The following ZNF37A variants were observed in gnomAD, a reference collection of about 807,000 sequenced individuals.
ZNF37A encodes zinc finger protein 37a (KOX 21).
In ZNF37A, 10 loss-of-function variants were observed where a neutral mutation model predicts 12.3. That is an observed-to-expected ratio of 0.82 (90% confidence interval 0.50 to 1.38). The LOEUF (loss-of-function observed/expected upper bound fraction) is 1.38, where lower values mean the gene tolerates loss of function less well. ZNF37A is among the 40% of genes most tolerant of loss of function. ZNF37A has a pLI of 0.00. For synonymous variants in ZNF37A, 207 were observed against 223.0 expected (o/e 0.93, Z 0.64); for missense variants, 580 against 651.2 (o/e 0.89, Z 1.19).
chr10:38,131,742 G>A (rs2070030494), intron 7 of ZNF37A, among the ~76,000 whole-genome samples: 1 of 152,144 alleles, frequency 6.6e-6, no homozygotes, highest in Non-Finnish European at 1.5e-5. Context: ...CATCTTCACA[G>A]TGTTAAGTCT....
rs199538008 is a variant in ZNF37A, at chr10:38,112,812, TC to T, written c.16-1942del. 1.9e-3 allele frequency among the ~76,000 whole-genome samples: 278 copies of T among 148,322 alleles called. 22 individuals are homozygous for T. Among genetic ancestry groups the T allele is most frequent in the African/African-American group, 6.9e-3 (266 of 38,304 alleles). ...TTTCTTTTCTTGTCTTGTCTTGTCT[TC>T]TTTTCTTTTCTTTCACAGAGTTTCA... On this transcript the variant is annotated intron_variant, in intron 5 of 7. Coordinates refer to ENST00000685332, the MANE Select transcript of ZNF37A (RefSeq NM_001324250.3).
intron 5 of ZNF37A, among the ~76,000 whole-genome samples, chr10:38,098,921 G>A (rs1348308111): frequency 6.6e-6 from 1 of 151,916 alleles, no homozygotes; most frequent in East Asian, 1.9e-4. Context: ...CTTGTATCCT[G>A]TAATTTTGCT....
chr10:38,109,766 C>T (rs1294080494), intron 5 of ZNF37A, among the ~76,000 whole-genome samples: 3 of 152,074 alleles, frequency 2.0e-5, no homozygotes, highest in Admixed American at 6.5e-5. Context: ...AATAAAATAC[C>T]TAGGAATACA....
intron 5 of ZNF37A, among the ~76,000 whole-genome samples, chr10:38,113,652 C>A (rs1307081585): frequency 6.6e-6 from 1 of 152,196 alleles, no homozygotes; most frequent in Non-Finnish European, 1.5e-5. Context: ...GTAGCCCTTC[C>A]TCTCTTCCTT....
chr10:38,098,346 C>G (rs1455386508), intron 5 of ZNF37A, among the ~76,000 whole-genome samples: 1 of 152,164 alleles, frequency 6.6e-6, no homozygotes, highest in East Asian at 1.9e-4. Context: ...AGTGAAATTG[C>G]TGGGTCATAT....
intron 7 of ZNF37A, chr10:38,140,570 T>C (rs190831135): frequency 6.6e-6 from 1 of 152,266 alleles, no homozygotes; most frequent in African/African-American, 2.4e-5. Flanking sequence ...GAGATGGTAG[T>C]TAGGCAGATA....
At chr10:38,112,541 C>A (rs1448975944) in intron 5 of ZNF37A, among the ~76,000 whole-genome samples, 5 of 151,238 alleles carry the variant, frequency 3.3e-5, no homozygotes, top group African/African-American at 1.2e-4. Context: ...GCCCTCATTT[C>A]CCTCCAAAAA....
chr10:38,128,861 C>G (rs546621206), downstream of ZNF37A, among the ~76,000 whole-genome samples: 2 of 152,302 alleles, frequency 1.3e-5, no homozygotes, highest in African/African-American at 4.8e-5. Context: ...TCAAGCGATT[C>G]TCCTGCCTCA....
chr10:38,117,962 T>C lies in ZNF37A; in HGVS notation c.811T>C (p.Tyr271His), dbSNP rs1334055786. ...GAGAACACATACAGGAGAAAAACCT[T>C]ATGAATGTCATGAATGTGGAAAAAC... The part of the protein sequence containing the change: ...QQRTHTGEKP[Y>H]ECHECGKTFT... The change falls in exon 8 of 8, where the codon TAT becomes CAT. Residue 271 changes from tyrosine (Y) to histidine (H), a missense_variant. Physicochemically the swap from Tyr to His is moderately conservative, Grantham distance 83. Transcript: ENST00000685332. The C allele has an allele frequency of 6.2e-7, 1 of 1,613,844 alleles. No individual in the cohort carries two copies.
At chr10:38,142,266 A>G (rs2070193831) in intron 7 of ZNF37A, 1 of 152,206 alleles carries the variant, frequency 6.6e-6, no homozygotes, top group Non-Finnish European at 1.5e-5. Flanking sequence ...TAGACAGCAT[A>G]TAAGGGAACT....
intron 7 of ZNF37A, among the ~76,000 whole-genome samples, chr10:38,133,738 A>C (rs2070066562): frequency 6.6e-6 from 1 of 152,036 alleles, no homozygotes; most frequent in Non-Finnish European, 1.5e-5. Context: ...GGTTGGTTCC[A>C]AGTCTTTGCT....
chr10:38,136,331 G>A (rs976960877), intron 7 of ZNF37A, among the ~76,000 whole-genome samples: 14 of 152,096 alleles, frequency 9.2e-5, no homozygotes, highest in Admixed American at 2.6e-4. Flanking sequence ...TTTTTAGTAG[G>A]AACAGGGTTT....
chr10:38,140,569 G>C (rs1235136665), intron 7 of ZNF37A: 1 of 152,198 alleles, frequency 6.6e-6, no homozygotes. Flanking sequence ...AGAGATGGTA[G>C]TTAGGCAGAT....
intron 7 of ZNF37A, chr10:38,141,050 T>C (rs1399390495): frequency 6.6e-6 from 1 of 152,182 alleles, no homozygotes; most frequent in Non-Finnish European, 1.5e-5. Flanking sequence ...CAAGATCCAA[T>C]GAGGGACCCA....
intron 5 of ZNF37A, among the ~76,000 whole-genome samples, chr10:38,109,340 AAAT>A (rs1208148578): frequency 6.6e-6 from 1 of 152,136 alleles, no homozygotes; most frequent in Non-Finnish European, 1.5e-5. Context: ...ACATATCTCA[AAAT>A]AATAATAAGA....
In ZNF37A at chr10:38,119,022, G is replaced by C; in HGVS notation, c.*185G>C. The C allele has an allele frequency of 7.8e-7, 1 of 1,281,118 alleles. No individual in the cohort carries two copies. Among genetic ancestry groups the C allele is most frequent in the African/African-American group, 1.5e-5 (1 of 65,280 alleles). The allele number at this position is 1,281,118 out of a possible 1,614,324, so 79.4% of individuals were successfully genotyped here. A position where few individuals can be genotyped will look rare whatever the true frequency, so the allele number is the denominator to read the frequency against. On this transcript the variant is annotated 3_prime_UTR_variant, in exon 8 of 8. Transcript: ENST00000685332. ...TTCTGGAATTTGGACCATACACTAT[G>C]TTACAAAACTAAAAGTGGAAAAAAC...
chr10:38,140,022 A>G (rs967375518), intron 7 of ZNF37A: 15 of 152,172 alleles, frequency 9.9e-5, no homozygotes, highest in African/African-American at 3.1e-4. Context: ...TTCACCTGCA[A>G]ATGTTAGCTA....
At chr10:38,095,345 G>A (rs1294410035) in intron 2 of ZNF37A, 121 bp downstream of exon 2, 2 of 152,466 alleles carry the variant, frequency 1.3e-5, no homozygotes, top group South Asian at 2.1e-4. Context: ...GGCTCGATTT[G>A]TGTCCTTTCC....
intron 5 of ZNF37A, among the ~76,000 whole-genome samples, chr10:38,100,644 T>C (rs549924163): frequency 8.5e-5 from 13 of 152,342 alleles, no homozygotes; most frequent in African/African-American, 3.1e-4. Flanking sequence ...TGTTATCCTG[T>C]TCTTTTTTCA....
Sources: gnomAD v4.1 joint callset for allele counts (sites outside exome capture counted in the v4.1 genomes callset) on GRCh38, gnomAD v4.1.1 for gene constraint, MANE v1.5 for transcripts, NCBI Gene and HGNC (gene_info 2026-07-23, HGNC 2026-07-21) for gene names.